The following TESC variants were observed in gnomAD, a reference collection of about 807,000 sequenced individuals.
The protein encoded by TESC is tescalcin, also known as calcineurin B homologous protein 3.
In TESC, 19 loss-of-function variants were observed where a neutral mutation model predicts 31.0. The observed-to-expected ratio is 0.61, with a 90% CI of 0.43 to 0.90. TESC has a LOEUF of 0.90. TESC is among the 40% of genes least tolerant of loss of function. TESC has a pLI of 0.00. For missense variants in TESC, 248 were observed against 303.8 expected, an observed-to-expected ratio of 0.82 and a Z score of 1.36; for synonymous variants, 109 against 114.8, an observed-to-expected ratio of 0.95 and a Z score of 0.32.
rs1954804623 is a variant in TESC at position 117,061,880 on chromosome 12, G to A, written c.129-4994C>T. On this transcript the variant is annotated intron_variant, in intron 2 of 7. Transcript: ENST00000335209. ...AGGCACATGGTCTTGAGTAATCACA[G>A]CATGTCTTCAAGCCGTGATTTCTCA... Among the ~76,000 whole-genome samples, 12 of 152,152 alleles carry A rather than the reference G, an allele frequency of 7.9e-5. No individual in the cohort carries two copies. In the South Asian group the frequency reaches 2.5e-3, roughly 32 times the overall value.
intron 1 of TESC, among the ~76,000 whole-genome samples, chr12:117,084,354 C>T (rs1199827767): frequency 6.6e-6 from 1 of 152,186 alleles, no homozygotes; most frequent in Non-Finnish European, 1.5e-5. Flanking sequence ...CCCGTGCAGG[C>T]ATGAACTGGA....
intron 2 of TESC, among the ~76,000 whole-genome samples, chr12:117,066,425 G>A (rs1460621513): frequency 6.8e-6 from 1 of 147,428 alleles, no homozygotes; most frequent in African/African-American, 2.5e-5. Context: ...AGGCTGGAGT[G>A]CAGTGGCGCT....
At chr12:117,082,091 G>A (rs12298209) in intron 1 of TESC, among the ~76,000 whole-genome samples, 1 of 151,640 alleles carries the variant, frequency 6.6e-6, no homozygotes, top group African/African-American at 2.4e-5. Context: ...AAATTAGCTG[G>A]GTGTGGACTA....
intron 6 of TESC, among the ~76,000 whole-genome samples, chr12:117,044,321 G>A (rs1047809472): frequency 6.6e-6 from 1 of 152,042 alleles, no homozygotes; most frequent in African/African-American, 2.4e-5. Flanking sequence ...AGCAGTTCTC[G>A]GCTAGCCTGG....
intron 1 of TESC, among the ~76,000 whole-genome samples, chr12:117,078,845 T>C (rs1243470286): frequency 2.6e-5 from 4 of 152,376 alleles, no homozygotes; most frequent in East Asian, 3.9e-4. Flanking sequence ...ACAATGTATA[T>C]GTATTAGTCT....
intron 3 of TESC, among the ~76,000 whole-genome samples, chr12:117,051,936 T>C (rs988629087): frequency 6.6e-6 from 1 of 152,080 alleles, no homozygotes; most frequent in African/African-American, 2.4e-5. Context: ...AAATAAAAGT[T>C]TATTTATTTA....
rs1303223957 is a variant in TESC at position 117,041,968 on chromosome 12, G to A, written c.546C>T (p.Ile182=). 1.9e-6 allele frequency: 3 copies of A among 1,594,212 alleles called. No individual in the cohort carries two copies. The highest frequency in any genetic ancestry group is 2.3e-5 in the South Asian group (2 of 87,452). ...CCACCTTCAGGAAGTCCTCGAAGGT[G>A]ATCCCCTCGTACACCTGATCAGGCT... The part of the protein sequence containing the change: ...QMEPDQVYEG[I]TFEDFLKIWQ... The change falls in exon 7 of 8, where the codon ATC becomes ATT. Residue 182 remains isoleucine, a synonymous_variant. Transcript: ENST00000335209.
At chr12:117,045,303 C>A (rs992126026) in intron 6 of TESC, among the ~76,000 whole-genome samples, 3 of 152,230 alleles carry the variant, frequency 2.0e-5, no homozygotes, top group Non-Finnish European at 4.4e-5. Flanking sequence ...GCTTCCCAGG[C>A]TGCGGGGGTT....
chr12:117,050,857 C>T (rs1308504731), intron 3 of TESC, among the ~76,000 whole-genome samples: 1 of 152,094 alleles, frequency 6.6e-6, no homozygotes, highest in Admixed American at 6.6e-5. Context: ...CCCAGGAGGC[C>T]GAGGCTGCAG....
chr12:117,042,332 A>T (rs1954496753), intron 6 of TESC, among the ~76,000 whole-genome samples: 1 of 151,764 alleles, frequency 6.6e-6, no homozygotes, highest in Non-Finnish European at 1.5e-5. Context: ...ACATGAGGGC[A>T]TGGGGCTCTC....
At chr12:117,067,557 A>G (rs1954905160) in intron 2 of TESC, among the ~76,000 whole-genome samples, 1 of 152,162 alleles carries the variant, frequency 6.6e-6, no homozygotes, top group African/African-American at 2.4e-5. Context: ...GGACAACAGA[A>G]CGAGATCTTG....
rs930873732 is a variant in TESC, at chr12:117,066,270, G to A, written c.128+9001C>T. ...CGCCCAGGCTGGAGTACAGTGGTGCGATTTTGGCTCACTGCAGCCTTCACC... is the reference window on the plus strand; with the variant it reads ...CGCCCAGGCTGGAGTACAGTGGTGCAATTTTGGCTCACTGCAGCCTTCACC... On this transcript the variant is annotated intron_variant, in intron 2 of 7. Transcript: ENST00000335209. 5.4e-4 allele frequency among the ~76,000 whole-genome samples: 76 copies of A among 141,704 alleles called. 2 individuals are homozygous for A. The highest frequency in any genetic ancestry group is 1.4e-3 in the Admixed American group (19 of 13,938). The allele number at this position is 141,704 out of a possible 152,430, so 93.0% of individuals were successfully genotyped here. A position where few individuals can be genotyped will look rare whatever the true frequency, so the allele number is the denominator to read the frequency against.
intron 3 of TESC, among the ~76,000 whole-genome samples, chr12:117,051,982 C>T (rs184053159): frequency 1.7e-3 from 257 of 152,130 alleles, no homozygotes; most frequent in South Asian, 7.1e-3. Context: ...GCTATATTGC[C>T]CAGACTGGTC....
chr12:117,082,330 C>G (rs953047852), intron 1 of TESC, among the ~76,000 whole-genome samples: 8 of 152,030 alleles, frequency 5.3e-5, no homozygotes, highest in Admixed American at 3.3e-4. Flanking sequence ...GTGGTAAAAC[C>G]CCATCTCTAC....
At chr12:117,053,146 A>G (rs1483602207) in intron 3 of TESC, among the ~76,000 whole-genome samples, 2 of 152,052 alleles carry the variant, frequency 1.3e-5, no homozygotes, top group African/African-American at 2.4e-5. Context: ...ACATTCCCCA[A>G]TGACTGAGGT....
At chr12:117,077,480 T>C (rs969784581) in intron 1 of TESC, among the ~76,000 whole-genome samples, 2 of 152,228 alleles carry the variant, frequency 1.3e-5, no homozygotes, top group African/African-American at 4.8e-5. Flanking sequence ...AAAGATGTCA[T>C]GGCGGTGCCA....
intron 1 of TESC, among the ~76,000 whole-genome samples, chr12:117,093,759 G>A (rs1400879651): frequency 6.6e-6 from 1 of 151,944 alleles, no homozygotes; most frequent in East Asian, 1.9e-4. Flanking sequence ...ACCATCATGA[G>A]GTCTGAACTC....
At chr12:117,063,825 C>T (rs1954831823) in intron 2 of TESC, among the ~76,000 whole-genome samples, 1 of 152,226 alleles carries the variant, frequency 6.6e-6, no homozygotes, top group East Asian at 1.9e-4. Flanking sequence ...CTCTTCAAGG[C>T]AGAGACTGCA....
At chr12:117,082,168 T>C (rs1385770169) in intron 1 of TESC, among the ~76,000 whole-genome samples, 1 of 151,714 alleles carries the variant, frequency 6.6e-6, no homozygotes, top group African/African-American at 2.4e-5. Flanking sequence ...AAGATTGCAC[T>C]CCAGCATGAG....
Sources: gnomAD v4.1 joint callset for allele counts (sites outside exome capture counted in the v4.1 genomes callset) on GRCh38, gnomAD v4.1.1 for gene constraint, MANE v1.5 for transcripts, NCBI Gene and HGNC (gene_info 2026-07-23, HGNC 2026-07-21) for gene names.